Variants in SOX5 observed in about 807,000 individuals in gnomAD.
SOX5 encodes the protein SRY-box transcription factor 5.
Under a neutral mutation model 92.0 loss-of-function variants are expected in SOX5, and 9 were observed. The observed-to-expected ratio is 0.10, with a 90% CI of 0.06 to 0.17. SOX5 has a LOEUF of 0.17. SOX5 is among the 10% of genes least tolerant of loss of function. The pLI, the probability that SOX5 is intolerant of heterozygous loss-of-function variation, is 1.00. For missense variants in SOX5, 642 were observed against 944.5 expected, an observed-to-expected ratio of 0.68 and a Z score of 4.20; for synonymous variants, 344 against 336.3, an observed-to-expected ratio of 1.02 and a Z score of -0.25.
intron 4 of SOX5, among the ~76,000 whole-genome samples, chr12:24,207,121 A>C (rs565756884): frequency 1.3e-5 from 2 of 152,364 alleles, no homozygotes; most frequent in Admixed American, 1.3e-4. Context: ...ACTGTTAAAG[A>C]GGATGATTTA....
intron 3 of SOX5, among the ~76,000 whole-genome samples, chr12:23,798,074 A>ATCAT (rs1567847011): frequency 6.6e-6 from 1 of 151,974 alleles, no homozygotes; most frequent in Admixed American, 6.6e-5. Context: ...ATCTTTTCCT[A>ATCAT]TCATTCTCAT....
intron 4 of SOX5, among the ~76,000 whole-genome samples, chr12:24,022,592 C>T (rs925680490): frequency 2.0e-5 from 3 of 152,080 alleles, no homozygotes; most frequent in Admixed American, 2.0e-4. Context: ...TCACTGGTGT[C>T]CCTTCCCAGT....
chr12:23,980,649 CAG>C (rs1301681493), intron 4 of SOX5, among the ~76,000 whole-genome samples: 5 of 152,152 alleles, frequency 3.3e-5, no homozygotes, highest in African/African-American at 1.2e-4. Context: ...GCATTTCAGA[CAG>C]AAAGAGAGGG....
chr12:24,306,804 A>C (rs1346314767), intron 2 of SOX5, among the ~76,000 whole-genome samples: 1 of 152,134 alleles, frequency 6.6e-6, no homozygotes, highest in Non-Finnish European at 1.5e-5. Flanking sequence ...CTAAATGTGA[A>C]CAAATGTCAC....
rs116811439 is a variant in SOX5 at position 23,944,744 on chromosome 12, T to C, written c.38+4820A>G. ...ATAATGAATGAAGGAAGGAAGACTT[T>C]GTTATGTTTTTGTCCATTTCTTGTT... On this transcript the variant is annotated intron_variant, in intron 1 of 14. Transcript: ENST00000451604. Among the ~76,000 whole-genome samples the C allele has an allele frequency of 3.9e-3, 591 of 152,248 alleles. 2 individuals carry two copies. The highest frequency in any genetic ancestry group is 0.014 in the African/African-American group (567 of 41,558).
intron 2 of SOX5, among the ~76,000 whole-genome samples, chr12:24,298,641 A>G (rs1438541872): frequency 1.3e-5 from 2 of 152,046 alleles, no homozygotes; most frequent in Non-Finnish European, 2.9e-5. Context: ...GTCACCTATT[A>G]TTTCTAGTAT....
chr12:23,889,163 A>G (rs2097102897), intron 2 of SOX5, among the ~76,000 whole-genome samples: 1 of 152,206 alleles, frequency 6.6e-6, no homozygotes, highest in African/African-American at 2.4e-5. Flanking sequence ...AAACAATGAA[A>G]TTCTCATTAT....
intron 6 of SOX5, among the ~76,000 whole-genome samples, chr12:23,704,872 TTC>T (rs1346620746): frequency 2.0e-5 from 3 of 149,010 alleles, no homozygotes; most frequent in Non-Finnish European, 4.5e-5. Flanking sequence ...ACTATGGAAA[TTC>T]TGTTAAATTT....
At chr12:24,284,905 A>G (rs1018181540) in intron 2 of SOX5, among the ~76,000 whole-genome samples, 1 of 152,140 alleles carries the variant, frequency 6.6e-6, no homozygotes, top group Non-Finnish European at 1.5e-5. Context: ...CGGGTGGATC[A>G]CCTGAGGTCA....
intron 4 of SOX5, among the ~76,000 whole-genome samples, chr12:24,200,029 A>T (rs1180264342): frequency 6.6e-6 from 1 of 152,216 alleles, no homozygotes; most frequent in Non-Finnish European, 1.5e-5. Flanking sequence ...CTGGGGGAAA[A>T]ATATCAAGGA....
At chr12:24,210,993 A>T (rs1419778871) in intron 4 of SOX5, among the ~76,000 whole-genome samples, 1 of 152,194 alleles carries the variant, frequency 6.6e-6, no homozygotes, top group Non-Finnish European at 1.5e-5. Flanking sequence ...CTCCCTCAGA[A>T]TAATAGTCAA....
At chr12:23,821,494 T>C (rs1357112469) in intron 3 of SOX5, among the ~76,000 whole-genome samples, 1 of 152,248 alleles carries the variant, frequency 6.6e-6, no homozygotes, top group Non-Finnish European at 1.5e-5. Context: ...GGCATCCTTG[T>C]CTTGTGACGG....
intron 9 of SOX5, among the ~76,000 whole-genome samples, chr12:23,583,230 A>T (rs1269468257): frequency 6.6e-6 from 1 of 151,450 alleles, no homozygotes; most frequent in African/African-American, 2.4e-5. Flanking sequence ...TGAATTTTTC[A>T]TTTTAGATTA....
intron 4 of SOX5, among the ~76,000 whole-genome samples, chr12:24,177,627 T>C (rs1295937381): frequency 6.6e-6 from 1 of 152,226 alleles, no homozygotes; most frequent in Non-Finnish European, 1.5e-5. Flanking sequence ...CCCATAAGTA[T>C]ATTCTGTGGG....
chr12:23,827,534 T>G (rs1191258958), intron 3 of SOX5, among the ~76,000 whole-genome samples: 2 of 152,206 alleles, frequency 1.3e-5, no homozygotes, highest in African/African-American at 4.8e-5. Flanking sequence ...AGGGCCTTTA[T>G]TTTTCTTTCT....
chr12:23,712,534 A>G (rs1226328944), intron 6 of SOX5, among the ~76,000 whole-genome samples: 1 of 152,224 alleles, frequency 6.6e-6, no homozygotes, highest in East Asian at 1.9e-4. Context: ...CACCATCTTA[A>G]TGAACTTTTC....
intron 1 of SOX5, among the ~76,000 whole-genome samples, chr12:24,530,172 C>A (rs1951064839): frequency 6.6e-6 from 1 of 152,094 alleles, no homozygotes; most frequent in Non-Finnish European, 1.5e-5. Flanking sequence ...AAGGTATGAA[C>A]AACTAACGTC....
intron 1 of SOX5, among the ~76,000 whole-genome samples, chr12:24,408,115 A>G (rs989246303): frequency 6.6e-6 from 1 of 152,162 alleles, no homozygotes; most frequent in African/African-American, 2.4e-5. Context: ...TTGTGGTGAG[A>G]GCTTGCTAAG....
intron 3 of SOX5, among the ~76,000 whole-genome samples, chr12:23,839,710 T>C (rs2096487705): frequency 6.6e-6 from 1 of 151,686 alleles, no homozygotes. Context: ...AACGGTCTAA[T>C]GAAAAATAAG....
Sources: gnomAD v4.1 joint callset for allele counts (sites outside exome capture counted in the v4.1 genomes callset) on GRCh38, gnomAD v4.1.1 for gene constraint, MANE v1.5 for transcripts, NCBI Gene and HGNC (gene_info 2026-07-23, HGNC 2026-07-21) for gene names.